Variants in PXDN observed in about 807,000 individuals in gnomAD.
PXDN encodes peroxidasin, also known as peroxidasin homolog.
PXDN carries 77 observed loss-of-function variants against 140.3 expected under a neutral mutation model. The observed-to-expected ratio is 0.55, with a 90% CI of 0.46 to 0.66. PXDN has a LOEUF of 0.66. Ranked by LOEUF, PXDN falls within the 30% of genes least tolerant of loss-of-function variation. PXDN has a pLI of 0.00. For missense variants in PXDN, 1,838 were observed against 2,039.5 expected, an observed-to-expected ratio of 0.90 and a Z score of 1.90; for synonymous variants, 911 against 857.4, an observed-to-expected ratio of 1.06 and a Z score of -1.09.
At chr2:1,728,570 C>G (rs1685243512) in intron 1 of PXDN, among the ~76,000 whole-genome samples, 1 of 152,242 alleles carries the variant, frequency 6.6e-6, no homozygotes, top group Non-Finnish European at 1.5e-5. Flanking sequence ...TTTCCACTCT[C>G]CTGCCGTAAA....
chr2:1,650,171 T>G (rs1386770570), intron 16 of PXDN, among the ~76,000 whole-genome samples: 2 of 152,224 alleles, frequency 1.3e-5, no homozygotes, highest in Admixed American at 1.3e-4. Flanking sequence ...GGCTTCATGC[T>G]GTTCCCTCAA....
chr2:1,634,904 G>T lies in PXDN; in HGVS notation c.4320+504C>A, dbSNP rs560515836. ...GGAGCCTGGTTCCAGCCAGACGTCT[G>T]TCCATTGCCGGCACCAGGGCACCCT... On this transcript the variant is annotated intron_variant, in intron 22 of 22. Coordinates refer to ENST00000252804, the MANE Select transcript of PXDN (RefSeq NM_012293.3). Among the ~76,000 whole-genome samples the T allele has an allele frequency of 6.7e-4, 102 of 152,314 alleles. 2 individuals carry two copies. In the South Asian group the frequency reaches 0.012, roughly 19 times the overall value.
At chr2:1,694,815 A>G (rs1218609863) in intron 1 of PXDN, among the ~76,000 whole-genome samples, 4 of 152,164 alleles carry the variant, frequency 2.6e-5, no homozygotes, top group Non-Finnish European at 5.9e-5. Context: ...CTCACTCCAT[A>G]CGGAAGACAC....
At chr2:1,711,403 C>T (rs1341489906) in intron 1 of PXDN, among the ~76,000 whole-genome samples, 1 of 129,436 alleles carries the variant, frequency 7.7e-6, no homozygotes, top group Admixed American at 7.5e-5. Context: ...TCCACAAGCA[C>T]CCACTCTCCA....
Position 1,644,640 on chromosome 2 carries a change from T to C in PXDN, c.3721A>G (p.Lys1241Glu). 1 of 1,607,020 alleles carries C rather than the reference T, an allele frequency of 6.2e-7. No homozygotes were observed. The highest frequency in any genetic ancestry group is 8.5e-7 in the Non-Finnish European group (1 of 1,175,466). Residue 1241 changes from lysine (K) to glutamate (E), a missense_variant, in exon 18 of 23, where the codon AAG (lysine) becomes GAG (glutamate). By Grantham distance (56) the Lys-to-Glu change is moderately conservative. This residue lies in a region of PXDN where 850 missense variants were observed against 894.1 expected (regional missense o/e 0.95). Transcript: ENST00000252804. ...CACCTGTCCCCATCTCGCAGGCGCT[T>C]GAACTGTGTGCTGAGAAGACACATC... ...TLMCLLSTQF[K>E]RLRDGDRLWY...
chr2:1,702,753 C>G (rs1808467), intron 1 of PXDN, among the ~76,000 whole-genome samples: 1 of 150,476 alleles, frequency 6.6e-6, no homozygotes, highest in Non-Finnish European at 1.5e-5. Flanking sequence ...CTCAGCCTCC[C>G]GAGTAGCTGG....
Position 1,685,916 on chromosome 2 carries a change from T to C in PXDN, c.416+1716A>G, listed in dbSNP as rs954814810. ...TGAATTCAAACGCATGTTTCCTGAC[T>C]GGCCAGGTGTGTTTTCTGACCTGTG... On this transcript the variant is annotated intron_variant, in intron 4 of 22. Coordinates refer to ENST00000252804, the MANE Select transcript of PXDN (RefSeq NM_012293.3). This position sits in a 1 kb window ranked among gnomAD's most constrained non-coding sequence, Gnocchi z 5.1. Among the ~76,000 whole-genome samples, 4 of 152,186 alleles carry C rather than the reference T, an allele frequency of 2.6e-5. No homozygotes were observed. The highest frequency in any genetic ancestry group is 5.9e-5 in the Non-Finnish European group (4 of 68,018).
rs4240 is a variant in PXDN, at chr2:1,633,429, C to A, written c.*775G>T. 3 of 151,682 alleles carry A rather than the reference C, an allele frequency of 2.0e-5. No homozygotes were observed. The highest frequency in any genetic ancestry group is 2.0e-4 in the Admixed American group (3 of 15,232). The allele number at this position is 151,682 out of a possible 1,614,324, so 9.4% of individuals were successfully genotyped here. A position where few individuals can be genotyped will look rare whatever the true frequency, so the allele number is the denominator to read the frequency against. On this transcript the variant is annotated 3_prime_UTR_variant, in exon 23 of 23. Coordinates refer to ENST00000252804, the MANE Select transcript of PXDN (RefSeq NM_012293.3). Reference sequence around the variant, plus strand: ...TGTGCAAGTGACAGCTGAAAGCAAACCTGTTTCTAAATGTGGCTTATGAAT... The same window carrying A: ...TGTGCAAGTGACAGCTGAAAGCAAAACTGTTTCTAAATGTGGCTTATGAAT...
chr2:1,695,440 CAG>C (rs1038106587), intron 1 of PXDN, among the ~76,000 whole-genome samples: 5 of 122,724 alleles, frequency 4.1e-5, no homozygotes, highest in African/African-American at 1.6e-4. Flanking sequence ...CCCTGCTGGA[CAG>C]AGAGGTGCTG....
rs569947362 is a variant in PXDN at position 1,685,564 on chromosome 2, G to A, written c.417-1413C>T. ...AGCGAGGCTTCAGTGCAGGCAGGCA[G>A]GGGTGGAGTCCCCCAAGCAAAGCCC... is the stretch of plus-strand genomic sequence containing the variant. On this transcript the variant is annotated intron_variant, in intron 4 of 22. Coordinates refer to ENST00000252804, the MANE Select transcript of PXDN (RefSeq NM_012293.3). This position sits in a 1 kb window ranked among gnomAD's most constrained non-coding sequence, Gnocchi z 5.1. Among the ~76,000 whole-genome samples the A allele has an allele frequency of 1.1e-4, 17 of 152,220 alleles. No individual in the cohort carries two copies. The South Asian group carries it at 3.3e-3, about 30-fold the overall frequency.
chr2:1,674,764 C>T (rs554020065), intron 8 of PXDN, among the ~76,000 whole-genome samples: 37 of 152,218 alleles, frequency 2.4e-4, no homozygotes, highest in East Asian at 2.3e-3. Flanking sequence ...AGAATGCAGA[C>T]GGGCCTACAG....
At chr2:1,645,501 A>G (rs1336717483) in intron 17 of PXDN, among the ~76,000 whole-genome samples, 1 of 152,224 alleles carries the variant, frequency 6.6e-6, no homozygotes, top group Non-Finnish European at 1.5e-5. Context: ...AACTCAAATC[A>G]GTGACCACCA....
chr2:1,717,478 C>A (rs1003012675), intron 1 of PXDN, among the ~76,000 whole-genome samples: 1 of 152,116 alleles, frequency 6.6e-6, no homozygotes, highest in African/African-American at 2.4e-5. Flanking sequence ...CTTCACACAC[C>A]CCTGAATCTT....
At chr2:1,744,044 C>T (rs1054016018) in intron 1 of PXDN, among the ~76,000 whole-genome samples, 1 of 152,092 alleles carries the variant, frequency 6.6e-6, no homozygotes, top group African/African-American at 2.4e-5. Flanking sequence ...TCGGCGTCTC[C>T]CGCAGGGCGA....
At chr2:1,674,106 C>T (rs150960546) in intron 8 of PXDN, among the ~76,000 whole-genome samples, 112 of 152,204 alleles carry the variant, frequency 7.4e-4, no homozygotes, top group African/African-American at 2.5e-3. Flanking sequence ...ATGAACAAAA[C>T]GGAAAAAATT....
In PXDN at chr2:1,659,578, T is replaced by A. The variant is rs80050437; in HGVS notation, c.1837+1303A>T. On this transcript the variant is annotated intron_variant, in intron 14 of 22. Coordinates refer to ENST00000252804, the MANE Select transcript of PXDN (RefSeq NM_012293.3). Reference sequence around the variant, plus strand: ...ACCATAATATTAATGATGGTATTTTTGGGGGATGGAATTACGGGTGGACGA... The same window carrying A: ...ACCATAATATTAATGATGGTATTTTAGGGGGATGGAATTACGGGTGGACGA... Among the ~76,000 whole-genome samples, 6 of 152,288 alleles carry A rather than the reference T, an allele frequency of 3.9e-5. No individual in the cohort carries two copies. The East Asian group carries it at 1.2e-3, about 29-fold the overall frequency.
At chr2:1,663,537 C>T (rs1357528069) in intron 12 of PXDN, 68 bp downstream of exon 12, 106 of 1,574,398 alleles carry the variant, frequency 6.7e-5, no homozygotes, top group Middle Eastern at 1.7e-4. Context: ...ATGTCAGCTG[C>T]GGAATTCTGT....
chr2:1,654,516 A>G lies in PXDN; in HGVS notation c.1838-8T>C. On this transcript the variant is annotated splice_region_variant and splice_polypyrimidine_tract_variant and intron_variant, in intron 14 of 22. Coordinates refer to ENST00000252804, the MANE Select transcript of PXDN (RefSeq NM_012293.3). ...TTCGACTGACGTCAGGAACTAGGAA[A>G]ATACAAAGTCGCGTATTACCAGGAA... is the stretch of plus-strand genomic sequence containing the variant. 6.3e-7 allele frequency: 1 copy of G among 1,598,678 alleles called. No individual in the cohort carries two copies. Among genetic ancestry groups the G allele is most frequent in the Non-Finnish European group, 8.6e-7 (1 of 1,166,168 alleles).
At chr2:1,706,488 T>TG (rs1684611983) in intron 1 of PXDN, among the ~76,000 whole-genome samples, 1 of 152,000 alleles carries the variant, frequency 6.6e-6, no homozygotes, top group Non-Finnish European at 1.5e-5. Context: ...AAGCATCACC[T>TG]GCCCCACTAA....
Sources: gnomAD v4.1 joint callset for allele counts (sites outside exome capture counted in the v4.1 genomes callset) on GRCh38, gnomAD v4.1.1 for gene constraint, gnomAD v4.1.1 regional missense constraint, Gnocchi (gnomAD v3.1) non-coding constraint, MANE v1.5 for transcripts, NCBI Gene and HGNC (gene_info 2026-07-23, HGNC 2026-07-21) for gene names.